The following FTCD variants were observed in gnomAD, a reference collection of about 807,000 sequenced individuals.
The protein encoded by FTCD is formimidoyltransferase-cyclodeaminase.
In FTCD, 76 loss-of-function variants were observed where a neutral mutation model predicts 62.9. The ratio of observed to expected loss-of-function variants is 1.21; its 90% CI spans 1.00 to 1.46. The LOEUF is 1.46. Ranked by LOEUF, FTCD falls within the 40% of genes most tolerant of loss-of-function variation. The probability of loss-of-function intolerance (pLI) is 0.00; values close to 1 mark genes in which losing one functional copy is unlikely to be tolerated. For missense variants in FTCD, 845 were observed against 751.3 expected, an observed-to-expected ratio of 1.12 and a Z score of -1.46; for synonymous variants, 397 against 336.9, an observed-to-expected ratio of 1.18 and a Z score of -1.95.
chr21:46,151,596 C>T lies in FTCD; in HGVS notation c.598G>A (p.Ala200Thr), dbSNP rs148763241. ...LGTKEQAHRI[A>T]LNLREQGRGK... is the part of the protein sequence containing the mutation. Reference sequence around the variant, plus strand: ...CGGCCCTGCTCCCGCAGGTTGAGCGCGATGCGGTGGGCTTGCTCCTTTGTG... The same window carrying T: ...CGGCCCTGCTCCCGCAGGTTGAGCGTGATGCGGTGGGCTTGCTCCTTTGTG... Residue 200 changes from alanine (A) to threonine (T), a missense_variant, in exon 5 of 14, where the codon GCG becomes ACG. Transcript: ENST00000397746. 3.4e-5 allele frequency: 55 copies of T among 1,612,894 alleles called. No individual in the cohort carries two copies. The highest frequency in any genetic ancestry group is 4.2e-5 in the Non-Finnish European group (50 of 1,179,984).
intron 8 of FTCD, 127 bp downstream of exon 8, chr21:46,146,124 CTTGGCGCAGGCCGAG>C: frequency 1.3e-6 from 1 of 759,456 alleles, no homozygotes; most frequent in Non-Finnish European, 2.2e-6. Flanking sequence ...CAGACCCCGG[CTTGGCGCAGGCCGAG>C]TAGGCGCCCA....
At chr21:46,146,213 C>G (rs540247905) in intron 8 of FTCD, 53 bp downstream of exon 8, 4 of 1,326,470 alleles carry the variant, frequency 3.0e-6, no homozygotes, top group Non-Finnish European at 2.1e-6. Flanking sequence ...CCGCAAGGCC[C>G]GAGAGGCAGA....
chr21:46,140,519 A>G (rs2078976547), intron 10 of FTCD, among the ~76,000 whole-genome samples: 1 of 139,242 alleles, frequency 7.2e-6, no homozygotes, highest in Non-Finnish European at 1.5e-5. Flanking sequence ...CTCCCCGTCC[A>G]CCTTCGCATT....
In FTCD at chr21:46,141,801, C is replaced by T. The variant is rs538674411; in HGVS notation, c.1261-2878G>A. 1.1e-4 allele frequency among the ~76,000 whole-genome samples: 16 copies of T among 152,230 alleles called. No homozygotes were observed. The South Asian group carries it at 3.1e-3, about 30-fold the overall frequency. On this transcript the variant is annotated intron_variant, in intron 10 of 13. Coordinates refer to ENST00000397746, the MANE Select transcript of FTCD (RefSeq NM_206965.2). Reference sequence around the variant, plus strand: ...CAAAAAATATTCACCAGATAACTTCCTGGAAAAGAAGTAAAAACCACTGCT... The same window carrying T: ...CAAAAAATATTCACCAGATAACTTCTTGGAAAAGAAGTAAAAACCACTGCT...
chr21:46,136,474 G>A, downstream of FTCD: 1 of 1,612,590 alleles, frequency 6.2e-7, no homozygotes, highest in South Asian at 1.1e-5. Context: ...AGCGTCGAAG[G>A]TCCTGCTGTC....
downstream of FTCD, chr21:46,136,545 C>T (rs980263089): frequency 3.7e-5 from 59 of 1,603,370 alleles, no homozygotes; most frequent in African/African-American, 6.8e-4. Flanking sequence ...AGGGGCCTCA[C>T]AGCCCAGGGA....
At chr21:46,154,099 G>A in intron 2 of FTCD, 50 bp downstream of exon 2, 1 of 1,587,862 alleles carries the variant, frequency 6.3e-7, no homozygotes, top group Non-Finnish European at 8.6e-7. Flanking sequence ...ACAGGGCTCG[G>A]CCCTGACATT....
rs768148539 is a variant in FTCD, at chr21:46,151,873, C to A, written c.456+19G>T. Reference sequence around the variant, plus strand: ...AGGTCCACCTCCTTCCCAGGCCCGACCGCCCGGGGTGGGGGCACCTTCTTA... The same window carrying A: ...AGGTCCACCTCCTTCCCAGGCCCGAACGCCCGGGGTGGGGGCACCTTCTTA... On this transcript the variant is annotated intron_variant, in intron 4 of 13. Transcript: ENST00000397746. 1.3e-6 allele frequency: 2 copies of A among 1,555,530 alleles called. No homozygotes were observed. The highest frequency in any genetic ancestry group is 1.7e-6 in the Non-Finnish European group (2 of 1,148,782).
At position 46,136,988 on chromosome 21, in the gene FTCD, C is replaced by A; in HGVS notation, c.1625G>T (p.Ter542LeuextTer37). The A allele has an allele frequency of 6.2e-7, 1 of 1,613,290 alleles. No homozygotes were observed. Among genetic ancestry groups the A allele is most frequent in the East Asian group, 2.2e-5 (1 of 44,874 alleles). Residue 542 changes from the stop codon to leucine (L), a stop_lost, in exon 14 of 14, where the codon TGA (stop) becomes TTA (leucine). Transcript: ENST00000397746. ...AGCCCGGAGAGGCCTCCCGCACCGT[C>A]ACTCCTGCCGGGTCTCCAAGCAGTC... ...VLDCLETRQE[*>L]
chr21:46,151,404 G>T (rs2079269809), intron 5 of FTCD, among the ~76,000 whole-genome samples, 154 bp downstream of exon 5: 1 of 152,260 alleles, frequency 6.6e-6, no homozygotes, highest in Admixed American at 6.5e-5. Context: ...CCCGCACGGT[G>T]TGGACGCGGA....
At chr21:46,154,481 G>GA in intron 1 of FTCD, 149 bp from the exon 2 acceptor site, 1 of 1,006,616 alleles carries the variant, frequency 9.9e-7, no homozygotes. Flanking sequence ...AGCTCCCACC[G>GA]AAAGTGCCCG....
Position 46,151,882 on chromosome 21 carries a change from G to A in FTCD, c.456+10C>T. On this transcript the variant is annotated intron_variant, in intron 4 of 13. Transcript: ENST00000397746. ...TCCTTCCCAGGCCCGACCGCCCGGG[G>A]TGGGGGCACCTTCTTAGGGAGGGCC... The A allele has an allele frequency of 1.3e-6, 2 of 1,557,514 alleles. No individual in the cohort carries two copies. Among genetic ancestry groups the A allele is most frequent in the Non-Finnish European group, 1.7e-6 (2 of 1,150,736 alleles).
chr21:46,137,850 CT>C (rs1555879879), intron 12 of FTCD, among the ~76,000 whole-genome samples: 1 of 29,938 alleles, frequency 3.3e-5, no homozygotes, highest in South Asian at 6.3e-4. Flanking sequence ...GCTGTGGCCC[CT>C]GTCAGTGTGA....
At chr21:46,139,829 G>A (rs1052091597) in intron 10 of FTCD, among the ~76,000 whole-genome samples, 5 of 152,160 alleles carry the variant, frequency 3.3e-5, no homozygotes, top group Non-Finnish European at 7.3e-5. Context: ...GTTGCAGGCG[G>A]AGGCAGGACA....
intron 10 of FTCD, among the ~76,000 whole-genome samples, chr21:46,141,396 C>T (rs963338591): frequency 2.6e-5 from 4 of 151,920 alleles, no homozygotes; most frequent in Non-Finnish European, 1.5e-5. Context: ...ATTTGCCCAC[C>T]TTGGTTTTCC....
intron 2 of FTCD, among the ~76,000 whole-genome samples, chr21:46,153,628 T>C (rs897852354): frequency 5.1e-4 from 78 of 152,178 alleles, no homozygotes; most frequent in African/African-American, 1.9e-3. Context: ...GAGATAAGCT[T>C]CTCATCCATC....
rs79140790 is a variant in FTCD, at chr21:46,152,342, G to A, written c.368-362C>T. The A allele has an allele frequency of 1.3e-3, 317 of 252,938 alleles. 2 individuals carry two copies. Among genetic ancestry groups the A allele is most frequent in the African/African-American group, 6.5e-3 (289 of 44,778 alleles). 15.7% of individuals were successfully genotyped at this position (252,938 alleles called of 1,614,324 possible). ...TAACGGCAGAGAAGAGGAAAAACTCGTGAACCCGCACACCAGTGTGACTGT... is the reference window on the plus strand; with the variant it reads ...TAACGGCAGAGAAGAGGAAAAACTCATGAACCCGCACACCAGTGTGACTGT... On this transcript the variant is annotated intron_variant, in intron 3 of 13. Transcript: ENST00000397746.
At chr21:46,143,821 G>A (rs574257454) in intron 10 of FTCD, among the ~76,000 whole-genome samples, 4 of 152,274 alleles carry the variant, frequency 2.6e-5, no homozygotes, top group African/African-American at 7.2e-5. Context: ...CTTTCTCCAG[G>A]GGAGTTTGAA....
chr21:46,137,702 G>A (rs1318923642), intron 12 of FTCD, among the ~76,000 whole-genome samples: 1 of 152,056 alleles, frequency 6.6e-6, no homozygotes, highest in African/African-American at 2.4e-5. Context: ...CAGGGACTGA[G>A]GGGACACTTC....
Sources: gnomAD v4.1 joint callset for allele counts (sites outside exome capture counted in the v4.1 genomes callset) on GRCh38, gnomAD v4.1.1 for gene constraint, MANE v1.5 for transcripts, NCBI Gene and HGNC (gene_info 2026-07-23, HGNC 2026-07-21) for gene names.